The following BRICD5 variants were observed in gnomAD, a reference collection of about 807,000 sequenced individuals.
The protein encoded by BRICD5 is BRICHOS domain containing 5.
Under a neutral mutation model 28.4 loss-of-function variants are expected in BRICD5, and 51 were observed. That is an observed-to-expected ratio of 1.80 (90% CI 1.43 to 2.27). BRICD5 has a LOEUF of 2.27. Among genes scored for constraint, BRICD5 ranks in the 30% most tolerant of loss-of-function variants. BRICD5 has a pLI of 0.00. For missense variants in BRICD5, 456 were observed against 309.6 expected (o/e 1.47, Z -3.55); for synonymous variants, 177 against 130.2 (o/e 1.36, Z -2.44).
At position 2,209,308 on chromosome 16, in the gene BRICD5, G is replaced by A; in HGVS notation, c.*54C>T. On this transcript the variant is annotated 3_prime_UTR_variant, in exon 6 of 6. Transcript: ENST00000328540. ...AGCAGCTGTCCTCCCTGGTGCAGGT[G>A]GCCTGGCCAGCCCACTGGATTGGGG... is the stretch of plus-strand genomic sequence containing the variant. 6.7e-7 allele frequency: 1 copy of A among 1,503,014 alleles called. No homozygotes were observed. Among genetic ancestry groups the A allele is most frequent in the South Asian group, 1.2e-5 (1 of 85,254 alleles). The allele number at this position is 1,503,014 out of a possible 1,614,324, so 93.1% of individuals were successfully genotyped here. A position where few individuals can be genotyped will look rare whatever the true frequency, so the allele number is the denominator to read the frequency against.
intron 4 of BRICD5, 100 bp from the exon 5 acceptor site, chr16:2,209,806 C>T (rs995393896): frequency 2.1e-6 from 3 of 1,403,268 alleles, no homozygotes; most frequent in Non-Finnish European, 2.9e-6. Flanking sequence ...TCCCCACCCT[C>T]AGCTCTTGTC....
rs774412981 is a variant in BRICD5 at position 2,210,841 on chromosome 16, C to T, written c.-8G>A. 1.2e-5 allele frequency: 19 copies of T among 1,601,372 alleles called. No homozygotes were observed. In the East Asian group the frequency reaches 4.2e-4, roughly 36 times the overall value. On this transcript the variant is annotated 5_prime_UTR_variant, in exon 1 of 6. Transcript: ENST00000328540. ...GCAGCTTGCTGGTTCCATCCTGCAG[C>T]CCCTGCTCACAATGTGCCGATTGTC... is the stretch of plus-strand genomic sequence containing the variant.
intron 4 of BRICD5, 53 bp from the exon 5 acceptor site, chr16:2,209,759 C>T: frequency 2.0e-6 from 3 of 1,533,580 alleles, no homozygotes; most frequent in Admixed American, 1.9e-5. Flanking sequence ...CTGCTCCTGG[C>T]TTGGCAGGGC....
rs554248688 is a variant in BRICD5 at position 2,209,563 on chromosome 16, C to G, written c.582G>C (p.Arg194=). 6.2e-7 allele frequency: 1 copy of G among 1,612,024 alleles called. No homozygotes were observed. Among genetic ancestry groups the G allele is most frequent in the South Asian group, 1.1e-5 (1 of 91,088 alleles). Residue 194 remains arginine, a synonymous_variant, in exon 5 of 6, where the codon CGG becomes CGC. Coordinates refer to ENST00000328540, the MANE Select transcript of BRICD5 (RefSeq NM_182563.4). ...GCGGTCCTGACTCACCCTCTGCTCG[C>G]CGGGCCCAGTAGATGGGGGTCCTCA... ...LCMRTPIYWA[R]RAEGPRRQRL...
In BRICD5 at chr16:2,209,687, G is replaced by A. The variant is rs778416268; in HGVS notation, c.458C>T (p.Pro153Leu). Residue 153 changes from proline (P) to leucine (L), a missense_variant, in exon 5 of 6, where the codon CCC (proline) becomes CTC (leucine). By Grantham distance (98) the Pro-to-Leu change is moderately conservative. Coordinates refer to ENST00000328540, the MANE Select transcript of BRICD5 (RefSeq NM_182563.4). ...DTSKVQEAWVPSQDTHHTQEL... is the reference protein window; with the variant it reads ...DTSKVQEAWVLSQDTHHTQEL... ...CTGGGTGTGGTGGGTGTCCTGGCTG[G>A]GGACCCAAGCCTCTTGGACCTGTTG... is the stretch of plus-strand genomic sequence containing the variant. The A allele has an allele frequency of 6.2e-7, 1 of 1,612,324 alleles. No homozygotes were observed. Among genetic ancestry groups the A allele is most frequent in the Admixed American group, 1.7e-5 (1 of 59,924 alleles).
chr16:2,210,643 G>A lies in BRICD5; in HGVS notation c.59C>T (p.Thr20Ile). The change falls in exon 2 of 6, where the codon ACC (threonine) becomes ATC (isoleucine). Residue 20 changes from threonine (T) to isoleucine (I), a missense_variant. Coordinates refer to ENST00000328540, the MANE Select transcript of BRICD5 (RefSeq NM_182563.4). Reference protein sequence around the residue: ...RPKPGPTGVKTKPSCGGWRAV... With the variant: ...RPKPGPTGVKIKPSCGGWRAV... The stretch of plus-strand genomic sequence containing the variant: ...TCTCCAGCCCCCGCAGGAGGGCTTG[G>A]TCTTCACCTGGGCGTGCATCAGGGT... 4 of 1,611,328 alleles carry A rather than the reference G, an allele frequency of 2.5e-6. No individual in the cohort carries two copies. The highest frequency in any genetic ancestry group is 3.4e-6 in the Non-Finnish European group (4 of 1,178,864).
Position 2,210,210 on chromosome 16 carries a change from CACCA to C in BRICD5, c.248_251del (p.Leu83ArgfsTer12). 6.3e-7 allele frequency: 1 copy of C among 1,587,844 alleles called. No individual in the cohort carries two copies. The highest frequency in any genetic ancestry group is 2.3e-5 in the East Asian group (1 of 43,948). On this transcript the variant is annotated frameshift_variant, in exon 3 of 6. Coordinates refer to ENST00000328540, the MANE Select transcript of BRICD5 (RefSeq NM_182563.4). LOFTEE classifies it high-confidence loss of function. ...TGGTCGCCGCGTTCCGGGCCACGTC[CACCA>C]GGATGGTTTGGTTGGGCCGGGGCAT...
Position 2,209,971 on chromosome 16 carries a change from C to A in BRICD5, c.417G>T (p.Arg139=). ...TCACCTTGGAGGTATCCACCAGCAG[C>A]CGCAGGGTCTCCCGATCACTGTCCT... ...LMEDSDRETL[R]LLVDTSKVQE... The change falls in exon 4 of 6, where the codon CGG becomes CGT. Residue 139 remains arginine (R), a synonymous_variant. Transcript: ENST00000328540. The A allele has an allele frequency of 6.5e-7, 1 of 1,535,158 alleles. No homozygotes were observed. Among genetic ancestry groups the A allele is most frequent in the Non-Finnish European group, 8.8e-7 (1 of 1,138,258 alleles).
Position 2,210,576 on chromosome 16 carries a change from G to T in BRICD5, c.126C>A (p.Ala42=), listed in dbSNP as rs748861148. 1.1e-5 allele frequency: 17 copies of T among 1,612,274 alleles called. No individual in the cohort carries two copies. The highest frequency in any genetic ancestry group is 3.3e-5 in the Admixed American group (2 of 59,952). Residue 42 remains alanine (A), a synonymous_variant, in exon 2 of 6, where the codon GCC becomes GCA. Transcript: ENST00000328540. ...LLLLLLLLVL[A]AVGVVAGGLL... Reference sequence around the variant, plus strand: ...GCCCTCCAGCCACAACCCCCACAGCGGCCAGCACCAGCAGCAGCAGCAGCA... The same window carrying T: ...GCCCTCCAGCCACAACCCCCACAGCTGCCAGCACCAGCAGCAGCAGCAGCA...
rs979027226 is a variant in BRICD5, at chr16:2,210,010, G to A, written c.378C>T (p.Phe126=). The change falls in exon 4 of 6, where the codon TTC becomes TTT. Residue 126 remains phenylalanine (F), a synonymous_variant. Coordinates refer to ENST00000328540, the MANE Select transcript of BRICD5 (RefSeq NM_182563.4). The part of the protein sequence containing the change: ...CYRPEEHQVC[F]LRLMEDSDRE... ...GATCACTGTCCTCCATCAGGCGGAG[G>A]AAGCAGACCTGGTGCTCCTCAGGGC... The A allele has an allele frequency of 1.2e-5, 19 of 1,564,400 alleles. No individual in the cohort carries two copies. Among genetic ancestry groups the A allele is most frequent in the Non-Finnish European group, 1.7e-5 (19 of 1,150,194 alleles).
At position 2,209,329 on chromosome 16, in the gene BRICD5, T is replaced by G. The variant is rs773566730; in HGVS notation, c.*33A>C. The G allele has an allele frequency of 1.4e-5, 23 of 1,588,812 alleles. No individual in the cohort carries two copies. The African/African-American group carries it at 2.6e-4, about 18-fold the overall frequency. On this transcript the variant is annotated 3_prime_UTR_variant, in exon 6 of 6. Coordinates refer to ENST00000328540, the MANE Select transcript of BRICD5 (RefSeq NM_182563.4). The stretch of plus-strand genomic sequence containing the variant: ...AGGTGGCCTGGCCAGCCCACTGGAT[T>G]GGGGACGGGCCAGGCTGGGCCAGGT...
Position 2,210,118 on chromosome 16 carries a change from C to T in BRICD5, c.336+8G>A, listed in dbSNP as rs764300065. On this transcript the variant is annotated splice_region_variant and intron_variant, in intron 3 of 5. Transcript: ENST00000328540. Reference sequence around the variant, plus strand: ...ACCTGCCAGGGTGACCCCTCCCTGCCCACTCACGCTCTGCCCGTCGAACAG... The same window carrying T: ...ACCTGCCAGGGTGACCCCTCCCTGCTCACTCACGCTCTGCCCGTCGAACAG... The T allele has an allele frequency of 8.7e-6, 14 of 1,607,456 alleles. No homozygotes were observed. The highest frequency in any genetic ancestry group is 2.2e-5 in the South Asian group (2 of 90,280).
Position 2,210,135 on chromosome 16 carries a change from G to A in BRICD5, c.327C>T (p.Asp109=), listed in dbSNP as rs752335850. 1.7e-5 allele frequency: 28 copies of A among 1,608,950 alleles called. No individual in the cohort carries two copies. The highest frequency in any genetic ancestry group is 1.5e-4 in the Admixed American group (9 of 59,694). ...CTCCCTGCCCACTCACGCTCTGCCC[G>A]TCGAACAGCACCGCCCAGCTGTGGT... ...QSNHSWAVLF[D]GQSGCICYRP... is the part of the protein sequence containing the mutation. The change falls in exon 3 of 6, where the codon GAC becomes GAT. Residue 109 remains aspartate, a synonymous_variant. Coordinates refer to ENST00000328540, the MANE Select transcript of BRICD5 (RefSeq NM_182563.4).
intron 4 of BRICD5, 96 bp from the exon 5 acceptor site, chr16:2,209,802 C>A (rs563393906): frequency 4.2e-6 from 6 of 1,422,082 alleles, no homozygotes; most frequent in Non-Finnish European, 5.7e-6. Context: ...GATGTCCCCA[C>A]CCTCAGCTCT....
intron 4 of BRICD5, 71 bp from the exon 5 acceptor site, chr16:2,209,777 C>A (rs895839662): frequency 1.2e-5 from 17 of 1,476,688 alleles, no homozygotes; most frequent in Admixed American, 4.1e-5. Flanking sequence ...GGCCGGGTAC[C>A]CTCCAACCCC....
chr16:2,210,288 G>A lies in BRICD5; in HGVS notation c.181-7C>T. On this transcript the variant is annotated splice_region_variant and splice_polypyrimidine_tract_variant and intron_variant, in intron 2 of 5. Coordinates refer to ENST00000328540, the MANE Select transcript of BRICD5 (RefSeq NM_182563.4). ...GCAGCGTCTGCAGCCTTGGCTGGCAGTGGGAGTTGGAGTTCAGCCGGGCAG... is the reference window on the plus strand; with the variant it reads ...GCAGCGTCTGCAGCCTTGGCTGGCAATGGGAGTTGGAGTTCAGCCGGGCAG... 5.3e-6 allele frequency: 8 copies of A among 1,521,822 alleles called. No individual in the cohort carries two copies. Among genetic ancestry groups the A allele is most frequent in the Non-Finnish European group, 7.1e-6 (8 of 1,132,366 alleles). 94.3% of individuals were successfully genotyped at this position (1,521,822 alleles called of 1,614,324 possible).
At chr16:2,210,367 C>T in intron 2 of BRICD5, 86 bp from the exon 3 acceptor site, 1 of 1,528,596 alleles carries the variant, frequency 6.5e-7, no homozygotes, top group Non-Finnish European at 8.8e-7. Flanking sequence ...CCTGACACCC[C>T]TGAGTGGGCC....
chr16:2,210,674 G>A (rs746769433), intron 1 of BRICD5, 24 bp from the exon 2 acceptor site: 2 of 1,610,196 alleles, frequency 1.2e-6, no homozygotes, highest in Non-Finnish European at 1.7e-6. Flanking sequence ...AGGGTCAGAA[G>A]GGTCATGAGG....
chr16:2,209,457 C>T lies in BRICD5; in HGVS notation c.593-1G>A, dbSNP rs749392194. ...TAAATCAGCCGCTGTCTCCGGGGCC[C>T]TGTGGCGAGGGTGCCGTGAATCTCC... On this transcript the variant is annotated splice_acceptor_variant, in intron 5 of 5. Transcript: ENST00000328540. LOFTEE classifies it high-confidence loss of function. 4 of 1,613,484 alleles carry T rather than the reference C, an allele frequency of 2.5e-6. No individual in the cohort carries two copies. In the African/African-American group the frequency reaches 5.3e-5, roughly 22 times the overall value.
Sources: allele counts gnomAD v4.1 joint callset, GRCh38; gene constraint gnomAD v4.1.1; transcripts MANE v1.5; gene names NCBI Gene and HGNC (gene_info 2026-07-23, HGNC 2026-07-21).